Variants in ALOX15B observed in about 807,000 individuals in gnomAD.
The protein encoded by ALOX15B is polyunsaturated fatty acid lipoxygenase ALOX15B.
In ALOX15B, 74 loss-of-function variants were observed where a neutral mutation model predicts 73.8. The observed-to-expected ratio is 1.00, with a 90% confidence interval of 0.83 to 1.22. The LOEUF is 1.22. ALOX15B is among the 50% of genes most tolerant of loss of function. The pLI, the probability that ALOX15B is intolerant of heterozygous loss-of-function variation, is 0.00. For missense variants in ALOX15B, 896 were observed against 859.9 expected, an observed-to-expected ratio of 1.04 and a Z score of -0.52; for synonymous variants, 353 against 357.2, an observed-to-expected ratio of 0.99 and a Z score of 0.13.
At position 8,045,800 on chromosome 17, in the gene ALOX15B, C is replaced by T. The variant is rs1290344259; in HGVS notation, c.1200+114C>T. 6 of 1,184,776 alleles carry T rather than the reference C, an allele frequency of 5.1e-6. No individual in the cohort carries two copies. The Admixed American group carries it at 1.0e-4, about 20-fold the overall frequency. The allele number at this position is 1,184,776 out of a possible 1,614,324, so 73.4% of individuals were successfully genotyped here. A position where few individuals can be genotyped will look rare whatever the true frequency, so the allele number is the denominator to read the frequency against. ...AGCTGGGATGCAGAGCCCCCGTCCGCTTCAGCAGCATCTCCTGGCACAACT... is the reference window on the plus strand; with the variant it reads ...AGCTGGGATGCAGAGCCCCCGTCCGTTTCAGCAGCATCTCCTGGCACAACT... On this transcript the variant is annotated intron_variant, in intron 8 of 13. Coordinates refer to ENST00000380183, the MANE Select transcript of ALOX15B (RefSeq NM_001141.3).
In ALOX15B at chr17:8,046,754, G is replaced by C; in HGVS notation, c.1287G>C (p.Arg429Ser). 6.2e-7 allele frequency: 1 copy of C among 1,613,626 alleles called. No individual in the cohort carries two copies. Among genetic ancestry groups the C allele is most frequent in the Non-Finnish European group, 8.5e-7 (1 of 1,179,848 alleles). ...LLIVPGQVVD[R>S]STGIGIEGFS... The stretch of plus-strand genomic sequence containing the variant: ...TCGTGCCAGGGCAGGTGGTGGACAG[G>C]GTGAGAGCTGTGTTGGGGAGGGAGT... Residue 429 changes from arginine (R) to serine (S), a missense_variant and splice_region_variant, in exon 9 of 14, where the codon AGG becomes AGC. Arg to Ser is a moderately radical substitution (Grantham distance 110). Coordinates refer to ENST00000380183, the MANE Select transcript of ALOX15B (RefSeq NM_001141.3).
chr17:8,045,713 C>G (rs750087441), intron 8 of ALOX15B, 27 bp downstream of exon 8: 187 of 1,608,872 alleles, frequency 1.2e-4, no homozygotes, highest in Non-Finnish European at 1.5e-4. Context: ...GGTGGCCCAG[C>G]CTGTGCCCAT....
chr17:8,044,807 C>T (rs561621979), intron 5 of ALOX15B, 22 bp from the exon 6 acceptor site: 10 of 1,593,314 alleles, frequency 6.3e-6, no homozygotes, highest in Non-Finnish European at 8.6e-6. Flanking sequence ...GACCCCGTTC[C>T]CCTGTCCCCC....
chr17:8,048,237 C>G, intron 13 of ALOX15B, 149 bp from the exon 14 acceptor site: 1 of 915,634 alleles, frequency 1.1e-6, no homozygotes, highest in Non-Finnish European at 1.6e-6. Flanking sequence ...ATGGATCAGG[C>G]CCCATCGAGG....
chr17:8,046,295 A>G (rs556144522), intron 8 of ALOX15B, among the ~76,000 whole-genome samples: 1 of 152,318 alleles, frequency 6.6e-6, no homozygotes, highest in African/African-American at 2.4e-5. Flanking sequence ...TGGCGCTCAG[A>G]GGTGGGCTCT....
chr17:8,042,281 GC>G (rs1173970638), intron 3 of ALOX15B, 87 bp from the exon 4 acceptor site: 3 of 1,511,432 alleles, frequency 2.0e-6, no homozygotes, highest in Non-Finnish European at 9.0e-7. Flanking sequence ...CTGTGACCAG[GC>G]CCCCCAAGGG....
In ALOX15B at chr17:8,047,087, G is replaced by A. The variant is rs150001411; in HGVS notation, c.1457+11G>A. On this transcript the variant is annotated intron_variant, in intron 10 of 13. Coordinates refer to ENST00000380183, the MANE Select transcript of ALOX15B (RefSeq NM_001141.3). ...GGGTGCAGTGGAACGGTGAGGGGCC[G>A]TCCCTGGAGAGCCGAGGGCTGGTCG... 3.2e-4 allele frequency: 520 copies of A among 1,613,162 alleles called. 6 individuals are homozygous for A. In the African/African-American group the frequency reaches 4.7e-3, roughly 15 times the overall value.
Position 8,039,606 on chromosome 17 carries a change from G to T in ALOX15B, c.367+1G>T, listed in dbSNP as rs1170798791. ...ACCCTGGTGCTGCAGGAGGGTACAG[G>T]TGAGGGGCGGGCCGGGCTGGGGCTG... On this transcript the variant is annotated splice_donor_variant, in intron 2 of 13. Transcript: ENST00000380183. LOFTEE classifies it high-confidence loss of function. 8 of 1,439,014 alleles carry T rather than the reference G, an allele frequency of 5.6e-6. No homozygotes were observed. The highest frequency in any genetic ancestry group is 5.6e-6 in the Non-Finnish European group (6 of 1,067,824). 89.1% of individuals were successfully genotyped at this position (1,439,014 alleles called of 1,614,324 possible).
chr17:8,045,165 C>T (rs1292239116), intron 6 of ALOX15B, 73 bp from the exon 7 acceptor site: 45 of 1,607,798 alleles, frequency 2.8e-5, no homozygotes, highest in East Asian at 4.5e-5. Context: ...GCCCTGAATC[C>T]TCTCCCTTCT....
In ALOX15B at chr17:8,048,387, G is replaced by A; in HGVS notation, c.1853G>A (p.Arg618Lys). Residue 618 changes from arginine to lysine, a missense_variant and splice_region_variant, in exon 14 of 14, where the codon AGG becomes AAG. By Grantham distance (26) the Arg-to-Lys change is conservative (BLOSUM62 2). Coordinates refer to ENST00000380183, the MANE Select transcript of ALOX15B (RefSeq NM_001141.3). ...CCCAACCTTGTGGTGGATCCTCAGA[G>A]GCCCCTGGGCACCTATCCGGATGAG... is the stretch of plus-strand genomic sequence containing the variant. ...WLLSKEPGDQ[R>K]PLGTYPDEHF... 6.2e-7 allele frequency: 1 copy of A among 1,610,200 alleles called. No individual in the cohort carries two copies. Among genetic ancestry groups the A allele is most frequent in the East Asian group, 2.2e-5 (1 of 44,784 alleles).
chr17:8,048,283 G>A (rs1976666578), intron 13 of ALOX15B, 103 bp from the exon 14 acceptor site: 6 of 1,409,774 alleles, frequency 4.3e-6, no homozygotes, highest in Non-Finnish European at 5.7e-6. Context: ...GCTAGGGCCA[G>A]AGCTGGCTAA....
chr17:8,046,845 C>T (rs984068576), intron 9 of ALOX15B, 62 bp from the exon 10 acceptor site: 1 of 1,611,460 alleles, frequency 6.2e-7, no homozygotes, highest in Admixed American at 1.7e-5. Flanking sequence ...ATCTCCCCGA[C>T]ACCAGTGCTA....
At position 8,046,712 on chromosome 17, in the gene ALOX15B, C is replaced by T. The variant is rs1233790468; in HGVS notation, c.1245C>T (p.Leu415=). 3.1e-6 allele frequency: 5 copies of T among 1,613,976 alleles called. No homozygotes were observed. The highest frequency in any genetic ancestry group is 4.2e-6 in the Non-Finnish European group (5 of 1,179,956). ...HTRYTLHINT[L]ARELLIVPGQ... is the part of the protein sequence containing the mutation. The stretch of plus-strand genomic sequence containing the variant: ...GATACACCCTGCACATCAACACACT[C>T]GCCCGGGAGCTGCTTATCGTGCCAG... Residue 415 remains leucine, a synonymous_variant, in exon 9 of 14, where the codon CTC becomes CTT. Transcript: ENST00000380183.
At chr17:8,048,240 C>T (rs1976665809) in intron 13 of ALOX15B, 146 bp from the exon 14 acceptor site, 7 of 938,250 alleles carry the variant, frequency 7.5e-6, no homozygotes, top group Middle Eastern at 3.3e-4. Context: ...GATCAGGCCC[C>T]ATCGAGGGCT....
At position 8,047,245 on chromosome 17, in the gene ALOX15B, G is replaced by A; in HGVS notation, c.1458-13G>A. ...GGGGTTGGAGGCTGGACCTGAACCT[G>A]GATGCATTGCAGCTTTGTCTCTGAA... is the stretch of plus-strand genomic sequence containing the variant. On this transcript the variant is annotated splice_polypyrimidine_tract_variant and intron_variant, in intron 10 of 13. Transcript: ENST00000380183. The A allele has an allele frequency of 6.2e-7, 1 of 1,613,980 alleles. No individual in the cohort carries two copies. Among genetic ancestry groups the A allele is most frequent in the Non-Finnish European group, 8.5e-7 (1 of 1,179,946 alleles).
At chr17:8,040,343 G>A (rs757636927) in intron 3 of ALOX15B, among the ~76,000 whole-genome samples, 3 of 151,938 alleles carry the variant, frequency 2.0e-5, no homozygotes, top group Non-Finnish European at 2.9e-5. Flanking sequence ...TCGGGAGTTC[G>A]AGACCAGCCT....
chr17:8,042,732 G>T (rs779778522), intron 4 of ALOX15B, 49 bp from the exon 5 acceptor site: 111 of 1,500,248 alleles, frequency 7.4e-5, no homozygotes, highest in Non-Finnish European at 9.3e-5. Flanking sequence ...ACAGGGAAGG[G>T]TCTCCCAGGG....
In ALOX15B at chr17:8,039,979, T is replaced by C. The variant is rs914107885; in HGVS notation, c.445T>C (p.Tyr149His). Residue 149 changes from tyrosine (Y) to histidine (H), a missense_variant, in exon 3 of 14, where the codon TAC (tyrosine) becomes CAC (histidine). Physicochemically the swap from Tyr to His is moderately conservative, Grantham distance 83. Transcript: ENST00000380183. ...GGAGCTTCAGGCCCGGCAGGAGATG[T>C]ACCAGTGAGGAGGGGGTTACTGATG... Reference protein sequence around the residue: ...QEELQARQEMYQWKAYNPGWP... With the variant: ...QEELQARQEMHQWKAYNPGWP... 2 of 1,612,226 alleles carry C rather than the reference T, an allele frequency of 1.2e-6. No homozygotes were observed. The highest frequency in any genetic ancestry group is 1.7e-4 in the Middle Eastern group (1 of 6,052).
In ALOX15B at chr17:8,039,412, G is replaced by A. The variant is rs1459169584; in HGVS notation, c.174G>A (p.Pro58=). The change falls in exon 2 of 14, where the codon CCG becomes CCA. Residue 58 remains proline, a synonymous_variant. Coordinates refer to ENST00000380183, the MANE Select transcript of ALOX15B (RefSeq NM_001141.3). ...AGGAGGACTTCCAGGTGACGCTCCC[G>A]GAGGACGTAGGCCGAGTGCTGCTGC... ...GAEEDFQVTL[P]EDVGRVLLLR... 6.2e-7 allele frequency: 1 copy of A among 1,612,904 alleles called. No homozygotes were observed. Among genetic ancestry groups the A allele is most frequent in the Admixed American group, 1.7e-5 (1 of 59,920 alleles).
Sources: gnomAD v4.1 joint callset for allele counts (sites outside exome capture counted in the v4.1 genomes callset) on GRCh38, gnomAD v4.1.1 for gene constraint, MANE v1.5 for transcripts, NCBI Gene and HGNC (gene_info 2026-07-23, HGNC 2026-07-21) for gene names.